LIPA: variants seen among roughly 807,000 people sequenced by gnomAD.
LIPA encodes the protein lipase A, lysosomal acid type, also known as lysosomal acid lipase/cholesteryl ester hydrolase.
In LIPA, 26 loss-of-function variants were observed where a neutral mutation model predicts 40.6. The observed-to-expected ratio is 0.64, with a 90% CI of 0.47 to 0.89. The LOEUF (loss-of-function observed/expected upper bound fraction) is 0.89, where lower values mean the gene tolerates loss of function less well. LIPA is among the 40% of genes least tolerant of loss of function. LIPA has a pLI of 0.00. For synonymous variants in LIPA, 188 were observed against 168.4 expected, an observed-to-expected ratio of 1.12 and a Z score of -0.90; for missense variants, 455 against 479.6, an observed-to-expected ratio of 0.95 and a Z score of 0.48.
At chr10:89,373,342 A>AAAAAAAAAAAAAAAAACAAAAAAC in intron 2 of LIPA, among the ~76,000 whole-genome samples, 1 of 142,984 alleles carries the variant, frequency 7.0e-6, no homozygotes, top group African/African-American at 2.7e-5. Flanking sequence ...CTCAAAAAAA[A>AAAAAAAAAAAAAAAAACAAAAAAC]AAAAAAAAAA....
intron 2 of LIPA, among the ~76,000 whole-genome samples, chr10:89,349,772 T>A (rs1196270590): frequency 6.6e-6 from 1 of 152,216 alleles, no homozygotes; most frequent in East Asian, 1.9e-4. Context: ...AATTAGCCTC[T>A]GTATCATGAA....
intron 1 of LIPA, among the ~76,000 whole-genome samples, chr10:89,322,300 C>T (rs978829810): frequency 6.6e-6 from 1 of 152,094 alleles, no homozygotes; most frequent in African/African-American, 2.4e-5. Context: ...GGAAAGGAAA[C>T]AAAAGGGCTA....
intron 2 of LIPA, among the ~76,000 whole-genome samples, chr10:89,361,511 T>C (rs1428700784): frequency 2.0e-5 from 3 of 152,224 alleles, no homozygotes; most frequent in African/African-American, 7.2e-5. Flanking sequence ...CCTGACAGCA[T>C]TATTGCTTTT....
chr10:89,370,720 C>T (rs1844086841), intron 2 of LIPA, among the ~76,000 whole-genome samples: 1 of 152,132 alleles, frequency 6.6e-6, no homozygotes. Context: ...ATGTGATCAT[C>T]CAAAGTGTCT....
chr10:89,374,683 C>T (rs1301726336), intron 2 of LIPA, among the ~76,000 whole-genome samples: 2 of 152,198 alleles, frequency 1.3e-5, no homozygotes, highest in Admixed American at 6.5e-5. Flanking sequence ...TAGTGCCTTA[C>T]AGAAGATATT....
intron 1 of LIPA, chr10:89,307,986 G>A (rs1477947250): frequency 2.6e-5 from 4 of 152,738 alleles, no homozygotes; most frequent in South Asian, 4.1e-4. Context: ...AGTTTGAGAC[G>A]AGGGCAGAGA....
intron 1 of LIPA, chr10:89,340,968 A>G (rs575616545): frequency 1.3e-5 from 2 of 152,358 alleles, no homozygotes; most frequent in East Asian, 3.9e-4. Context: ...CAACTCTGTT[A>G]GAATAGAGGT....
intron 1 of LIPA, among the ~76,000 whole-genome samples, chr10:89,289,031 C>T (rs1056658730): frequency 6.6e-6 from 1 of 152,244 alleles, no homozygotes; most frequent in Non-Finnish European, 1.5e-5. Flanking sequence ...TTGCTCAGGG[C>T]AATGCTTATG....
chr10:89,328,089 T>G (rs1564786971), intron 1 of LIPA: 1 of 1,613,524 alleles, frequency 6.2e-7, no homozygotes, highest in Admixed American at 1.7e-5. Context: ...GTCAGTGAAA[T>G]AAGAATGCAT....
intron 2 of LIPA, among the ~76,000 whole-genome samples, chr10:89,373,005 G>T (rs763801651): frequency 5.3e-5 from 8 of 152,156 alleles, no homozygotes; most frequent in Non-Finnish European, 1.2e-4. Context: ...TATTTGACAT[G>T]TAAAACAATG....
intron 2 of LIPA, among the ~76,000 whole-genome samples, chr10:89,358,903 G>A (rs921176119): frequency 6.6e-6 from 1 of 152,184 alleles, no homozygotes; most frequent in Non-Finnish European, 1.5e-5. Flanking sequence ...TTTCAAAATA[G>A]CTAGAAGAAT....
chr10:89,256,831 T>G (rs189809267), intron 1 of LIPA, among the ~76,000 whole-genome samples: 1 of 152,140 alleles, frequency 6.6e-6, no homozygotes, highest in African/African-American at 2.4e-5. Context: ...TTCACTCAGG[T>G]AGGGGAAGAT....
rs200999070 is a variant in LIPA, at chr10:89,383,586, T to A, written c.61+29205A>T. The A allele has an allele frequency of 3.6e-4, 587 of 1,614,014 alleles. 1 individual carries two copies. The highest frequency in any genetic ancestry group is 3.3e-4 in the Middle Eastern group (2 of 6,084). On this transcript the variant is annotated intron_variant, in intron 2 of 8. Coordinates refer to the LIPA transcript ENST00000371837. ...AGAAAGAACATGCCAACCAAGCAGA[T>A]ATTAGAAGTCTGGTGACCTGGGGCA...
At chr10:89,363,149 C>G (rs2133593091) in intron 2 of LIPA, 1 of 225,088 alleles carries the variant, frequency 4.4e-6, no homozygotes, top group East Asian at 1.1e-4. Flanking sequence ...AGGGAACACC[C>G]ACTTCTGCCT....
intron 4 of LIPA, among the ~76,000 whole-genome samples, chr10:89,227,491 T>C (rs1170468055): frequency 6.6e-6 from 1 of 152,256 alleles, no homozygotes; most frequent in East Asian, 1.9e-4. Flanking sequence ...TTCATGTCCT[T>C]AGAGGTGCCT....
At chr10:89,394,576 A>G (rs1358751978) in intron 2 of LIPA, among the ~76,000 whole-genome samples, 1 of 111,400 alleles carries the variant, frequency 9.0e-6, no homozygotes, top group Non-Finnish European at 1.7e-5. Flanking sequence ...TACTACAGGA[A>G]AATATATATA....
chr10:89,379,356 A>G (rs980520020), intron 2 of LIPA, among the ~76,000 whole-genome samples: 6 of 152,210 alleles, frequency 3.9e-5, no homozygotes, highest in African/African-American at 9.6e-5. Context: ...TCTGTGTGTT[A>G]TAAGTTTTCC....
intron 1 of LIPA, among the ~76,000 whole-genome samples, chr10:89,334,796 G>C (rs1843710411): frequency 6.6e-6 from 1 of 151,908 alleles, no homozygotes; most frequent in South Asian, 2.1e-4. Context: ...CGGCCACCTA[G>C]CTGTTCTTTA....
chr10:89,307,682 A>T, intron 1 of LIPA: 1 of 247,232 alleles, frequency 4.0e-6, no homozygotes, highest in Non-Finnish European at 7.9e-6. Flanking sequence ...GGAGTAATCT[A>T]CTGGGCTTGT....
Sources: gnomAD v4.1 joint callset for allele counts (sites outside exome capture counted in the v4.1 genomes callset) on GRCh38, gnomAD v4.1.1 for gene constraint, MANE v1.5 for transcripts, NCBI Gene and HGNC (gene_info 2026-07-23, HGNC 2026-07-21) for gene names.